XXYLT1: variants seen among roughly 807,000 people sequenced by gnomAD.
XXYLT1 encodes the protein UDP-xylose:alpha-xyloside alpha-1,3-xylosyltransferase.
A neutral mutation model predicts 28.9 loss-of-function variants in XXYLT1; 20 were observed. The observed-to-expected ratio is 0.69, with a 90% CI of 0.49 to 1.00. XXYLT1 has a LOEUF of 1.00. Among genes scored for constraint, XXYLT1 ranks in the 50% least tolerant of loss-of-function variants. XXYLT1 has a pLI of 0.00. For synonymous variants in XXYLT1, 257 were observed against 253.8 expected (o/e 1.01, Z -0.12); for missense variants, 542 against 560.1 (o/e 0.97, Z 0.33).
At chr3:195,211,967 C>A in intron 2 of XXYLT1, among the ~76,000 whole-genome samples, 1 of 144,176 alleles carries the variant, frequency 6.9e-6, no homozygotes, top group South Asian at 2.3e-4. Flanking sequence ...CCAGGAAGAT[C>A]TGGAGGAGGA....
rs1725513624 is a variant in XXYLT1 at position 195,257,266 on chromosome 3, C to T, written c.504+13289G>A. ...GTTGGCATCCAGCTCCTCCAGTGTG[C>T]GAGCCTATGCAGTCTTACCCATGCC... On this transcript the variant is annotated intron_variant, in intron 1 of 3. Transcript: ENST00000310380. This position sits in a 1 kb window ranked among gnomAD's most constrained non-coding sequence, Gnocchi z 4.3. 1.3e-5 allele frequency among the ~76,000 whole-genome samples: 2 copies of T among 152,158 alleles called. No homozygotes were observed. The highest frequency in any genetic ancestry group is 1.5e-5 in the Non-Finnish European group (1 of 68,020).
intron 2 of XXYLT1, among the ~76,000 whole-genome samples, chr3:195,201,950 G>C (rs900099597): frequency 1.3e-5 from 2 of 152,186 alleles, no homozygotes; most frequent in Admixed American, 1.3e-4. Flanking sequence ...AGGCCAAGGT[G>C]GGCGGATCAT....
At chr3:195,113,058 G>C (rs1717864576) in intron 3 of XXYLT1, among the ~76,000 whole-genome samples, 1 of 152,224 alleles carries the variant, frequency 6.6e-6, no homozygotes, top group African/African-American at 2.4e-5. Context: ...CTTCCTCCCA[G>C]ATAGGAACAT....
At chr3:195,111,183 C>T (rs182553419) in intron 3 of XXYLT1, among the ~76,000 whole-genome samples, 10 of 151,978 alleles carry the variant, frequency 6.6e-5, no homozygotes, top group East Asian at 1.9e-4. Context: ...GAAGCAAAGC[C>T]GTGATCTGAC....
intron 3 of XXYLT1, among the ~76,000 whole-genome samples, chr3:195,125,565 C>A (rs551083286): frequency 3.3e-4 from 51 of 152,346 alleles, no homozygotes; most frequent in Non-Finnish European, 6.8e-4. Flanking sequence ...GACATCTGCC[C>A]TCCCCACCAC....
chr3:195,104,610 C>T (rs80038625), intron 3 of XXYLT1, among the ~76,000 whole-genome samples: 265 of 152,162 alleles, frequency 1.7e-3, no homozygotes, highest in African/African-American at 6.0e-3. Context: ...ATCCAGACAG[C>T]GTGGCACGAC....
intron 3 of XXYLT1, among the ~76,000 whole-genome samples, chr3:195,130,894 T>C (rs75379475): frequency 0.016 from 2,369 of 152,142 alleles, 59 homozygotes; most frequent in African/African-American, 0.053. Flanking sequence ...CAACTGCGGC[T>C]TTGTCCCATA....
chr3:195,208,689 G>A (rs1038651507), intron 2 of XXYLT1, among the ~76,000 whole-genome samples: 3 of 152,154 alleles, frequency 2.0e-5, no homozygotes, highest in Admixed American at 1.3e-4. Context: ...GAAAGAGAGA[G>A]AAGAAATCAC....
At chr3:195,181,982 T>C (rs1360105373) in intron 2 of XXYLT1, among the ~76,000 whole-genome samples, 1 of 152,166 alleles carries the variant, frequency 6.6e-6, no homozygotes, top group Non-Finnish European at 1.5e-5. Context: ...AGTTCTCTGG[T>C]CCAATTCCAG....
intron 3 of XXYLT1, among the ~76,000 whole-genome samples, chr3:195,149,212 C>T (rs1720045731): frequency 6.6e-6 from 1 of 152,008 alleles, no homozygotes; most frequent in African/African-American, 2.4e-5. Context: ...TTTACATATA[C>T]ACACACACAC....
chr3:195,251,480 G>A (rs933646587), intron 1 of XXYLT1, among the ~76,000 whole-genome samples: 2 of 152,166 alleles, frequency 1.3e-5, no homozygotes, highest in Non-Finnish European at 2.9e-5. Flanking sequence ...GTGAGGCCAG[G>A]ACAGACGCCT....
chr3:195,075,121 G>A (rs1385546481), intron 3 of XXYLT1, among the ~76,000 whole-genome samples: 5 of 152,174 alleles, frequency 3.3e-5, no homozygotes, highest in South Asian at 2.1e-4. Context: ...GCATGGTGGC[G>A]TGCGCCTGTA....
chr3:195,121,987 A>C, intron 3 of XXYLT1: 1 of 701,530 alleles, frequency 1.4e-6, no homozygotes, highest in Non-Finnish European at 2.6e-6. Flanking sequence ...AAAGTACCAC[A>C]GACTGGGTGC....
chr3:195,207,089 C>G (rs1012185051), intron 2 of XXYLT1, among the ~76,000 whole-genome samples: 1 of 152,216 alleles, frequency 6.6e-6, no homozygotes, highest in Non-Finnish European at 1.5e-5. Context: ...CCTTCTACCA[C>G]AGGCTGAGCC....
At chr3:195,226,235 C>A (rs776739410) in intron 2 of XXYLT1, among the ~76,000 whole-genome samples, 4 of 152,182 alleles carry the variant, frequency 2.6e-5, no homozygotes, top group Non-Finnish European at 4.4e-5. Flanking sequence ...CTTCTAATTG[C>A]GCATCAGAGT....
Position 195,161,219 on chromosome 3 carries a change from T to G in XXYLT1, c.653-4638A>C, listed in dbSNP as rs535408743. Among the ~76,000 whole-genome samples, 7 of 152,312 alleles carry G rather than the reference T, an allele frequency of 4.6e-5. No homozygotes were observed. The South Asian group carries it at 1.4e-3, about 32-fold the overall frequency. On this transcript the variant is annotated intron_variant, in intron 2 of 3. Transcript: ENST00000310380. ...CAGTTTCAGATGAGGAACCTGATGC[T>G]CAGAGACTTTCGGTAATTTGTTTAA...
chr3:195,081,354 G>A (rs935237773), intron 3 of XXYLT1, among the ~76,000 whole-genome samples: 2 of 152,156 alleles, frequency 1.3e-5, no homozygotes, highest in African/African-American at 2.4e-5. Flanking sequence ...TACTTGTCCC[G>A]TCTTCTCCCT....
intron 3 of XXYLT1, among the ~76,000 whole-genome samples, chr3:195,110,525 G>A (rs1291710205): frequency 4.2e-4 from 47 of 113,238 alleles, no homozygotes; most frequent in Admixed American, 7.4e-4. Context: ...TGTGTGCGTG[G>A]TGTACGTGTG....
intron 3 of XXYLT1, among the ~76,000 whole-genome samples, chr3:195,074,845 G>A (rs1028108566): frequency 2.6e-5 from 4 of 152,208 alleles, no homozygotes; most frequent in East Asian, 1.9e-4. Flanking sequence ...CTAAGTACCC[G>A]TGTCCCTAGA....
Sources: allele counts gnomAD v4.1 joint callset (sites outside exome capture counted in the v4.1 genomes callset), GRCh38; gene constraint gnomAD v4.1.1; non-coding constraint Gnocchi (gnomAD v3.1); transcripts MANE v1.5; gene names NCBI Gene and HGNC (gene_info 2026-07-23, HGNC 2026-07-21).